Variants in NXPE4 observed in about 807,000 individuals in gnomAD.
The protein encoded by NXPE4 is neurexophilin and PC-esterase domain family member 4, also known as NXPE family member 4.
Under a neutral mutation model 33.3 loss-of-function variants are expected in NXPE4, and 42 were observed. The ratio of observed to expected loss-of-function variants is 1.26; its 90% CI spans 0.98 to 1.63. The LOEUF (loss-of-function observed/expected upper bound fraction) is 1.63. NXPE4 is among the 40% of genes most tolerant of loss of function. NXPE4 has a pLI of 0.00. For missense variants in NXPE4, 709 were observed against 647.6 expected (o/e 1.09, Z -1.03); for synonymous variants, 253 against 234.9 (o/e 1.08, Z -0.71).
chr11:114,652,241 T>C, the NXPE4 span, among the ~76,000 whole-genome samples: 2 of 152,182 alleles, frequency 1.3e-5, no homozygotes, highest in African/African-American at 2.4e-5. Flanking sequence ...ATTTGGTGCA[T>C]GAAAAAGTAT....
the NXPE4 span, among the ~76,000 whole-genome samples, chr11:114,619,882 G>A: frequency 6.6e-6 from 1 of 152,096 alleles, no homozygotes; most frequent in Admixed American, 6.6e-5. Flanking sequence ...TGCCTCGTGG[G>A]TAAGAATTCT....
At chr11:114,628,870 A>G in the NXPE4 span, among the ~76,000 whole-genome samples, 5 of 152,018 alleles carry the variant, frequency 3.3e-5, no homozygotes, top group African/African-American at 1.2e-4. Flanking sequence ...AATACAAACT[A>G]CCATCAGAGA....
In NXPE4 at chr11:114,580,156, C is replaced by T. The variant is rs768723916; in HGVS notation, c.1075G>A (p.Glu359Lys). 2.2e-5 allele frequency: 36 copies of T among 1,613,908 alleles called. No individual in the cohort carries two copies. Among genetic ancestry groups the T allele is most frequent in the Non-Finnish European group, 3.1e-5 (36 of 1,179,796 alleles). ...CTGTTGATACTGGCTTTGAAGTATT[C>T]CATCCACTGGCGGATCGTGGAATCT... Reference protein sequence around the residue: ...MGDSTIRQWMEYFKASINTLK... With the variant: ...MGDSTIRQWMKYFKASINTLK... Residue 359 changes from glutamate to lysine, a missense_variant, in exon 5 of 6, where the codon GAA (glutamate) becomes AAA (lysine). Physicochemically the swap from Glu to Lys is moderately conservative, Grantham distance 56 (BLOSUM62 1). Transcript: ENST00000375478.
intron 2 of NXPE4, among the ~76,000 whole-genome samples, chr11:114,586,774 T>A (rs1339620404): frequency 6.6e-6 from 1 of 152,208 alleles, no homozygotes. Flanking sequence ...ATTGCAAATT[T>A]TCTCCTTTCC....
the NXPE4 span, among the ~76,000 whole-genome samples, chr11:114,649,691 G>A: frequency 6.6e-6 from 1 of 152,182 alleles, no homozygotes; most frequent in African/African-American, 2.4e-5. Context: ...GGGGTAACAG[G>A]TAGTAGGAGG....
the NXPE4 span, among the ~76,000 whole-genome samples, chr11:114,667,257 A>G: frequency 6.6e-6 from 1 of 152,148 alleles, no homozygotes; most frequent in African/African-American, 2.4e-5. Context: ...ACCATTACAA[A>G]TAGGAAGTTG....
chr11:114,631,447 C>T, the NXPE4 span, among the ~76,000 whole-genome samples: 8 of 145,366 alleles, frequency 5.5e-5, no homozygotes, highest in Non-Finnish European at 1.0e-4. Flanking sequence ...ACTGCATATT[C>T]TCACTCATAG....
the NXPE4 span, among the ~76,000 whole-genome samples, chr11:114,602,039 AATATATATTATATT>A: frequency 2.0e-4 from 19 of 93,414 alleles, no homozygotes; most frequent in African/African-American, 7.6e-4. Flanking sequence ...TATACTATAT[AATATATATTATATT>A]ATATATATTA....
At chr11:114,653,533 CTTT>C in the NXPE4 span, among the ~76,000 whole-genome samples, 7 of 103,502 alleles carry the variant, frequency 6.8e-5, no homozygotes, top group Admixed American at 1.1e-4. Context: ...CCTGCTTTCC[CTTT>C]TTTTTTTTTT....
the NXPE4 span, among the ~76,000 whole-genome samples, chr11:114,602,277 T>C: frequency 8.5e-6 from 1 of 118,222 alleles, no homozygotes; most frequent in African/African-American, 3.4e-5. Flanking sequence ...TATATTATAC[T>C]ATATATATGT....
the NXPE4 span, among the ~76,000 whole-genome samples, chr11:114,638,355 A>G: frequency 9.2e-5 from 14 of 151,698 alleles, no homozygotes; most frequent in African/African-American, 2.4e-5. Context: ...TATTCTAGTT[A>G]TCCATTCGTC....
At chr11:114,598,954 C>G (rs1032171224), upstream of NXPE4, among the ~76,000 whole-genome samples, 2 of 152,184 alleles carry the variant, frequency 1.3e-5, no homozygotes, top group African/African-American at 4.8e-5. Flanking sequence ...TGCAGCCTTC[C>G]TGAATTCCTC....
chr11:114,626,393 G>A, the NXPE4 span, among the ~76,000 whole-genome samples: 1 of 152,184 alleles, frequency 6.6e-6, no homozygotes, highest in Non-Finnish European at 1.5e-5. Context: ...GCCTAACTGG[G>A]AGGCACCCCC....
the NXPE4 span, among the ~76,000 whole-genome samples, chr11:114,604,102 C>T: frequency 6.6e-6 from 1 of 151,990 alleles, no homozygotes; most frequent in Non-Finnish European, 1.5e-5. Flanking sequence ...CTACTGTTAT[C>T]TGCTGGATAA....
the NXPE4 span, among the ~76,000 whole-genome samples, chr11:114,634,687 G>C: frequency 6.6e-6 from 1 of 152,034 alleles, no homozygotes; most frequent in Non-Finnish European, 1.5e-5. Context: ...CATATCGCTA[G>C]TTGGTTTTCC....
At chr11:114,622,939 G>A in the NXPE4 span, among the ~76,000 whole-genome samples, 13 of 152,222 alleles carry the variant, frequency 8.5e-5, no homozygotes, top group African/African-American at 2.9e-4. Context: ...TGCCTCGTGG[G>A]TTACCACTGT....
At chr11:114,601,931 A>ATT in the NXPE4 span, among the ~76,000 whole-genome samples, 1 of 62,662 alleles carries the variant, frequency 1.6e-5, no homozygotes, top group Admixed American at 3.0e-4. Flanking sequence ...TAATATATTT[A>ATT]TATATATTAT....
At chr11:114,586,519 G>A (rs1293211531) in intron 2 of NXPE4, among the ~76,000 whole-genome samples, 2 of 152,166 alleles carry the variant, frequency 1.3e-5, no homozygotes, top group African/African-American at 4.8e-5. Flanking sequence ...AGACTCAGGG[G>A]ACAGGCTTGC....
chr11:114,661,754 A>G, the NXPE4 span, among the ~76,000 whole-genome samples: 2 of 152,250 alleles, frequency 1.3e-5, no homozygotes, highest in African/African-American at 2.4e-5. Flanking sequence ...ACAAACACAT[A>G]GTAGTTCAAT....
Sources: allele counts gnomAD v4.1 joint callset (sites outside exome capture counted in the v4.1 genomes callset), GRCh38; gene constraint gnomAD v4.1.1; transcripts MANE v1.5; gene names NCBI Gene and HGNC (gene_info 2026-07-23, HGNC 2026-07-21).